The following CST3 variants were observed in gnomAD, a reference collection of about 807,000 sequenced individuals.
CST3 encodes cystatin-C.
A neutral mutation model predicts 9.0 loss-of-function variants in CST3; 14 were observed. The observed-to-expected ratio is 1.56, with a 90% CI of 1.03 to 2.44. The LOEUF (loss-of-function observed/expected upper bound fraction) is 2.44, where lower values mean the gene tolerates loss of function less well. Among genes scored for constraint, CST3 ranks in the 30% most tolerant of loss-of-function variants. CST3 has a pLI of 0.00. For synonymous variants in CST3, 96 were observed against 90.2 expected (o/e 1.06, Z -0.37); for missense variants, 237 against 204.3 (o/e 1.16, Z -0.98).
downstream of CST3, chr20:23,628,697 A>G (rs1382585065): frequency 6.6e-6 from 1 of 152,092 alleles, no homozygotes; most frequent in Non-Finnish European, 1.5e-5. Flanking sequence ...CAGGGACTCC[A>G]TTATAACCCA....
At chr20:23,631,485 A>G (rs1231360702), downstream of CST3, among the ~76,000 whole-genome samples, 1 of 152,226 alleles carries the variant, frequency 6.6e-6, no homozygotes, top group Non-Finnish European at 1.5e-5. Context: ...ACTGTCTTGC[A>G]GCCACGCAGG....
chr20:23,635,181 A>ATC (rs1403641535), intron 2 of CST3, 73 bp downstream of exon 2: 132 of 1,112,148 alleles, frequency 1.2e-4, no homozygotes, highest in Middle Eastern at 8.0e-4. Flanking sequence ...GAACATGTGC[A>ATC]TCACACACAC....
chr20:23,635,892 C>T (rs1055081419), intron 1 of CST3, among the ~76,000 whole-genome samples: 10 of 152,176 alleles, frequency 6.6e-5, no homozygotes, highest in Non-Finnish European at 1.5e-5. Context: ...ACCTGCATGT[C>T]TTAGGGTTGC....
chr20:23,633,826 A>G lies in CST3; in HGVS notation c.*90T>C, dbSNP rs527862834. 1.4e-4 allele frequency: 164 copies of G among 1,154,090 alleles called. No homozygotes were observed. Among genetic ancestry groups the G allele is most frequent in the Non-Finnish European group, 1.3e-4 (103 of 765,414 alleles). 71.5% of individuals were successfully genotyped at this position (1,154,090 alleles called of 1,614,324 possible). A position where few individuals can be genotyped will look rare whatever the true frequency, so the allele number is the denominator to read the frequency against. On this transcript the variant is annotated 3_prime_UTR_variant, in exon 3 of 3. Coordinates refer to ENST00000376925, the MANE Select transcript of CST3 (RefSeq NM_000099.4). ...CAGGCACATGGGGAGACCTTCCCCAAGGCAGGGGCCACCAGTCCAGGGGTG... is the reference window on the plus strand; with the variant it reads ...CAGGCACATGGGGAGACCTTCCCCAGGGCAGGGGCCACCAGTCCAGGGGTG...
intron 1 of CST3, among the ~76,000 whole-genome samples, chr20:23,636,375 G>C (rs1568705435): frequency 6.6e-6 from 1 of 152,158 alleles, no homozygotes; most frequent in Non-Finnish European, 1.5e-5. Context: ...CTCCCGATCC[G>C]ACCCCCTACT....
At chr20:23,635,517 C>A in intron 1 of CST3, 150 bp from the exon 2 acceptor site, 1 of 711,606 alleles carries the variant, frequency 1.4e-6, no homozygotes, top group Non-Finnish European at 2.5e-6. Flanking sequence ...GCAAGGCACA[C>A]AAGCCACCTC....
intron 1 of CST3, 77 bp downstream of exon 1, chr20:23,637,542 AC>A: frequency 7.5e-7 from 1 of 1,333,420 alleles, no homozygotes; most frequent in Non-Finnish European, 9.8e-7. Context: ...GAGGAGCAGC[AC>A]GGGGTCCGGG....
downstream of CST3, chr20:23,628,719 C>A (rs902907905): frequency 6.6e-6 from 1 of 152,178 alleles, no homozygotes; most frequent in African/African-American, 2.4e-5. Context: ...CTGCTCCTTG[C>A]TCTCTGTTTC....
chr20:23,635,431 C>A (rs1255020391), intron 1 of CST3, 64 bp from the exon 2 acceptor site: 4 of 1,397,496 alleles, frequency 2.9e-6, no homozygotes, highest in African/African-American at 1.4e-5. Context: ...CACACACAGG[C>A]ACTTCACTGT....
chr20:23,629,637 T>C (rs1365843442), downstream of CST3, among the ~76,000 whole-genome samples: 3 of 151,880 alleles, frequency 2.0e-5, no homozygotes, highest in Non-Finnish European at 4.4e-5. Context: ...CAAAGGAGCC[T>C]TTGGACTTGC....
chr20:23,630,675 C>A (rs1044862388), downstream of CST3, among the ~76,000 whole-genome samples: 4 of 152,002 alleles, frequency 2.6e-5, no homozygotes, highest in Non-Finnish European at 5.9e-5. Flanking sequence ...CTCCCGTCAG[C>A]CAATCATAAG....
At chr20:23,631,302 A>G (rs1457097504), downstream of CST3, among the ~76,000 whole-genome samples, 3 of 151,720 alleles carry the variant, frequency 2.0e-5, no homozygotes, top group Non-Finnish European at 4.4e-5. Context: ...TCCTGTGGAG[A>G]CTCCATCTTG....
In CST3 at chr20:23,637,635, CA is replaced by C; in HGVS notation, c.227del (p.Val76GlyfsTer8). ...DMYHSRALQV[V>X]RARKQIVAGV... ...CGGCACGCACCTGCTTGCGGGCGCG[CA>C]CCACCTGCAGCGCGCGGCTGTGGTA... On this transcript the variant is annotated frameshift_variant, in exon 1 of 3. Coordinates refer to ENST00000376925, the MANE Select transcript of CST3 (RefSeq NM_000099.4). LOFTEE classifies it high-confidence loss of function. 1 of 1,522,544 alleles carries C rather than the reference CA, an allele frequency of 6.6e-7. No homozygotes were observed. Among genetic ancestry groups the C allele is most frequent in the Non-Finnish European group, 8.8e-7 (1 of 1,135,934 alleles). The allele number at this position is 1,522,544 out of a possible 1,614,324, so 94.3% of individuals were successfully genotyped here. A position where few individuals can be genotyped will look rare whatever the true frequency, so the allele number is the denominator to read the frequency against.
chr20:23,633,817 C>A lies in CST3; in HGVS notation c.*99G>T. The stretch of plus-strand genomic sequence containing the variant: ...CTCCTGGTGCAGGCACATGGGGAGA[C>A]CTTCCCCAAGGCAGGGGCCACCAGT... On this transcript the variant is annotated 3_prime_UTR_variant, in exon 3 of 3. Transcript: ENST00000376925. 12 of 1,043,444 alleles carry A rather than the reference C, an allele frequency of 1.2e-5. No individual in the cohort carries two copies. The highest frequency in any genetic ancestry group is 1.8e-5 in the Non-Finnish European group (12 of 666,190). 64.6% of individuals were successfully genotyped at this position (1,043,444 alleles called of 1,614,324 possible).
Position 23,637,717 on chromosome 20 carries a change from A to T in CST3, c.146T>A (p.Val49Glu). The T allele has an allele frequency of 6.5e-7, 1 of 1,544,826 alleles. No individual in the cohort carries two copies. The highest frequency in any genetic ancestry group is 8.7e-7 in the Non-Finnish European group (1 of 1,146,170). The change falls in exon 1 of 3, where the codon GTG becomes GAG. Residue 49 changes from valine to glutamate, a missense_variant. Physicochemically the swap from Val to Glu is moderately radical, Grantham distance 121. Coordinates refer to ENST00000376925, the MANE Select transcript of CST3 (RefSeq NM_000099.4). Reference sequence around the variant, plus strand: ...GACGGCAAAGTCCAGTGCACGCCGCACACCCTCCTCCTCCACGCTGGCGTC... The same window carrying T: ...GACGGCAAAGTCCAGTGCACGCCGCTCACCCTCCTCCTCCACGCTGGCGTC... ...PMDASVEEEG[V>E]RRALDFAVGE...
Position 23,637,788 on chromosome 20 carries a change from G to T in CST3, c.75C>A (p.Ala25=). 1 of 1,525,602 alleles carries T rather than the reference G, an allele frequency of 6.6e-7. No individual in the cohort carries two copies. 94.5% of individuals were successfully genotyped at this position (1,525,602 alleles called of 1,614,324 possible). A position where few individuals can be genotyped will look rare whatever the true frequency, so the allele number is the denominator to read the frequency against. The change falls in exon 1 of 3, where the codon GCC becomes GCA. Residue 25 remains alanine, a synonymous_variant. Transcript: ENST00000376925. ...GCGGCGGCTTGCCGGGACTGGAGCC[G>T]GCCGCGGGGCTCACGGCCAGGGCCA... ...LAVALAVSPA[A]GSSPGKPPRL...
chr20:23,631,500 G>A (rs149895391), downstream of CST3, among the ~76,000 whole-genome samples: 696 of 152,296 alleles, frequency 4.6e-3, 9 homozygotes, highest in African/African-American at 0.016. Context: ...CGCAGGACAC[G>A]GCTTCTGTTC....
intron 2 of CST3, among the ~76,000 whole-genome samples, chr20:23,634,523 G>A (rs1979584284): frequency 6.6e-6 from 1 of 152,086 alleles, no homozygotes; most frequent in South Asian, 2.1e-4. Flanking sequence ...GGGTGAGCTG[G>A]GGCAGGTCTG....
intron 1 of CST3, among the ~76,000 whole-genome samples, chr20:23,637,414 T>C (rs1233623106): frequency 1.3e-5 from 2 of 152,118 alleles, no homozygotes; most frequent in African/African-American, 2.4e-5. Flanking sequence ...GGACCTGACG[T>C]GTCCGTGCGG....
Sources: allele counts gnomAD v4.1 joint callset (sites outside exome capture counted in the v4.1 genomes callset), GRCh38; gene constraint gnomAD v4.1.1; transcripts MANE v1.5; gene names NCBI Gene and HGNC (gene_info 2026-07-23, HGNC 2026-07-21).